The following MINPP1 variants were observed in gnomAD, a reference collection of about 807,000 sequenced individuals.
MINPP1 encodes the protein multiple inositol-polyphosphate phosphatase 1.
MINPP1 carries 28 observed loss-of-function variants against 46.1 expected under a neutral mutation model. The observed-to-expected ratio is 0.61, with a 90% confidence interval of 0.45 to 0.83. The LOEUF (loss-of-function observed/expected upper bound fraction) is 0.83. Among genes scored for constraint, MINPP1 ranks in the 40% least tolerant of loss-of-function variants. The pLI is 0.00. For missense variants in MINPP1, 603 were observed against 610.0 expected (o/e 0.99, Z 0.12); for synonymous variants, 268 against 249.1 (o/e 1.08, Z -0.72).
At chr10:87,512,724 A>G (rs1851353305) in intron 2 of MINPP1, among the ~76,000 whole-genome samples, 1 of 152,112 alleles carries the variant, frequency 6.6e-6, no homozygotes, top group African/African-American at 2.4e-5. Flanking sequence ...GCTCTTAACA[A>G]GTAATTGCCT....
At chr10:87,533,573 A>G (rs1038545539) in intron 4 of MINPP1, among the ~76,000 whole-genome samples, 1 of 152,330 alleles carries the variant, frequency 6.6e-6, no homozygotes, top group South Asian at 2.1e-4. Context: ...GAGGATTTCA[A>G]CAAGTTACTT....
intron 3 of MINPP1, among the ~76,000 whole-genome samples, chr10:87,519,597 C>T (rs574191917): frequency 6.6e-6 from 1 of 152,328 alleles, no homozygotes; most frequent in African/African-American, 2.4e-5. Context: ...CTGTGCTAGT[C>T]TAGATTGTAG....
chr10:87,544,578 A>T (rs1851862498), intron 4 of MINPP1, among the ~76,000 whole-genome samples: 1 of 152,208 alleles, frequency 6.6e-6, no homozygotes, highest in South Asian at 2.1e-4. Context: ...CAACATGAGC[A>T]TGCAAAAAGA....
intron 4 of MINPP1, among the ~76,000 whole-genome samples, chr10:87,543,455 G>A (rs1851844639): frequency 6.6e-6 from 1 of 152,132 alleles, no homozygotes; most frequent in South Asian, 2.1e-4. Flanking sequence ...AGGAGTTCAA[G>A]ACCACTCTGG....
intron 4 of MINPP1, among the ~76,000 whole-genome samples, chr10:87,528,080 A>G (rs561298748): frequency 2.0e-5 from 3 of 151,912 alleles, no homozygotes; most frequent in African/African-American, 7.2e-5. Flanking sequence ...TATTGTGTCT[A>G]TTTGATTCTT....
chr10:87,546,607 C>T (rs948558842), intron 4 of MINPP1: 6 of 152,132 alleles, frequency 3.9e-5, no homozygotes, highest in Non-Finnish European at 8.8e-5. Context: ...TTCGCCTTTG[C>T]GTTGGAAAAG....
At chr10:87,516,938 G>A (rs1410474101) in intron 3 of MINPP1, among the ~76,000 whole-genome samples, 5 of 151,968 alleles carry the variant, frequency 3.3e-5, no homozygotes, top group South Asian at 2.1e-4. Flanking sequence ...ATTACTCAGC[G>A]TGTGTTTTTT....
At chr10:87,535,832 G>T (rs1851726988) in intron 4 of MINPP1, among the ~76,000 whole-genome samples, 1 of 152,140 alleles carries the variant, frequency 6.6e-6, no homozygotes, top group Non-Finnish European at 1.5e-5. Context: ...ACGAGGCTGA[G>T]GTGGGAGGAT....
chr10:87,528,184 A>G (rs1465452325), intron 4 of MINPP1, among the ~76,000 whole-genome samples: 1 of 151,864 alleles, frequency 6.6e-6, no homozygotes, highest in Non-Finnish European at 1.5e-5. Flanking sequence ...TTTTTTTTGA[A>G]GGGTTTTTTG....
intron 4 of MINPP1, among the ~76,000 whole-genome samples, chr10:87,548,260 C>T (rs961679416): frequency 2.0e-5 from 3 of 152,118 alleles, no homozygotes; most frequent in Non-Finnish European, 4.4e-5. Flanking sequence ...CAGACACATG[C>T]GAATCTGAAA....
chr10:87,552,072 C>G lies in MINPP1; in HGVS notation c.1068-10C>G. 6.2e-7 allele frequency: 1 copy of G among 1,603,876 alleles called. No individual in the cohort carries two copies. Among genetic ancestry groups the G allele is most frequent in the East Asian group, 2.2e-5 (1 of 44,768 alleles). ...TATATACCTTATTTTCTCTTAATTT[C>G]TATTTGAAGGTCTCAGCCAATTTCT... On this transcript the variant is annotated splice_polypyrimidine_tract_variant and intron_variant, in intron 4 of 4. Coordinates refer to ENST00000371996, the MANE Select transcript of MINPP1 (RefSeq NM_004897.5).
intron 4 of MINPP1, among the ~76,000 whole-genome samples, chr10:87,525,759 A>G (rs186846225): frequency 1.4e-4 from 22 of 152,282 alleles, no homozygotes; most frequent in East Asian, 1.2e-3. Flanking sequence ...TGCTGTGTCA[A>G]GTGCTCTCAT....
At chr10:87,527,396 T>C (rs956118233) in intron 4 of MINPP1, among the ~76,000 whole-genome samples, 1 of 152,210 alleles carries the variant, frequency 6.6e-6, no homozygotes, top group African/African-American at 2.4e-5. Context: ...AGTATGATAT[T>C]GGTTGTGGGT....
chr10:87,535,646 G>A (rs890708796), intron 4 of MINPP1, among the ~76,000 whole-genome samples: 1 of 152,138 alleles, frequency 6.6e-6, no homozygotes, highest in Admixed American at 6.5e-5. Flanking sequence ...AAATTTTCCT[G>A]GCCTGGCGTG....
intron 2 of MINPP1, among the ~76,000 whole-genome samples, chr10:87,512,110 T>C (rs1031710932): frequency 9.9e-5 from 15 of 152,136 alleles, no homozygotes; most frequent in African/African-American, 3.6e-4. Context: ...GTTGACTTTT[T>C]TTTCTCTCTA....
At chr10:87,537,511 T>TG (rs113605763) in intron 4 of MINPP1, among the ~76,000 whole-genome samples, 1 of 85,106 alleles carries the variant, frequency 1.2e-5, no homozygotes, top group Non-Finnish European at 3.4e-5. Context: ...TTATTACTGT[T>TG]TGTGTGTGTG....
intron 4 of MINPP1, among the ~76,000 whole-genome samples, chr10:87,542,391 T>G (rs1307978671): frequency 1.3e-5 from 2 of 151,966 alleles, no homozygotes; most frequent in Non-Finnish European, 2.9e-5. Flanking sequence ...CCTTGACCTC[T>G]CTGGCACAAG....
intron 4 of MINPP1, among the ~76,000 whole-genome samples, chr10:87,539,746 A>G (rs989450606): frequency 1.3e-5 from 2 of 152,158 alleles, no homozygotes; most frequent in South Asian, 2.1e-4. Flanking sequence ...ACGAAGTTCC[A>G]TTTTCTTAGA....
At chr10:87,513,015 G>A in intron 2 of MINPP1, 109 bp from the exon 3 acceptor site, 1 of 770,738 alleles carries the variant, frequency 1.3e-6, no homozygotes. Context: ...CCAAACTGAA[G>A]ATGTCCATTT....
Sources: allele counts gnomAD v4.1 joint callset (sites outside exome capture counted in the v4.1 genomes callset), GRCh38; gene constraint gnomAD v4.1.1; transcripts MANE v1.5; gene names NCBI Gene and HGNC (gene_info 2026-07-23, HGNC 2026-07-21).